Variants in MFSD11 observed in about 807,000 individuals in gnomAD.
MFSD11 encodes the protein major facilitator superfamily domain containing 11.
A neutral mutation model predicts 53.5 loss-of-function variants in MFSD11; 36 were observed. That is an observed-to-expected ratio of 0.67 (90% CI 0.52 to 0.89). The LOEUF is 0.89. MFSD11 is among the 40% of genes least tolerant of loss of function. The pLI is 0.00. For missense variants in MFSD11, 530 were observed against 543.9 expected, an observed-to-expected ratio of 0.97 and a Z score of 0.25; for synonymous variants, 186 against 184.9, an observed-to-expected ratio of 1.01 and a Z score of -0.05.
the MFSD11 span, among the ~76,000 whole-genome samples, chr17:76,799,954 CCTTT>C: frequency 1.6e-4 from 14 of 87,316 alleles, no homozygotes; most frequent in Non-Finnish European, 2.9e-4. Context: ...TTTTCTTTTT[CCTTT>C]TTTTTTTTTT....
chr17:76,792,874 A>C, the MFSD11 span, among the ~76,000 whole-genome samples: 1 of 151,438 alleles, frequency 6.6e-6, no homozygotes, highest in Non-Finnish European at 1.5e-5. Flanking sequence ...TACAAAAGAG[A>C]GAAATTTTAA....
chr17:76,741,901 A>G lies in MFSD11; in HGVS notation c.261-68A>G, dbSNP rs990954489. The G allele has an allele frequency of 9.3e-6, 15 of 1,610,348 alleles. No individual in the cohort carries two copies. In the African/African-American group the frequency reaches 2.0e-4, roughly 22 times the overall value. ...GAAGAGAATGTCAGAACTGATTCCT[A>G]GAAGGCATAATTGGCATTCTATTTC... On this transcript the variant is annotated intron_variant, in intron 3 of 12. Coordinates refer to ENST00000685175, the MANE Select transcript of MFSD11 (RefSeq NM_001242532.5).
Position 76,741,069 on chromosome 17 carries a change from G to A in MFSD11, c.260+5G>A, listed in dbSNP as rs766503727. ...TGCCAGTGGTTTATTTTACAGGTAA[G>A]TAGTGTAATCTTGCACTTATTTAAT... On this transcript the variant is annotated splice_donor_5th_base_variant and intron_variant, in intron 3 of 12. Transcript: ENST00000685175. 4 of 1,519,086 alleles carry A rather than the reference G, an allele frequency of 2.6e-6. No individual in the cohort carries two copies. The highest frequency in any genetic ancestry group is 1.4e-5 in the African/African-American group (1 of 72,986). 94.1% of individuals were successfully genotyped at this position (1,519,086 alleles called of 1,614,324 possible).
At chr17:76,784,168 A>G (rs1432956391), downstream of MFSD11, among the ~76,000 whole-genome samples, 1 of 152,186 alleles carries the variant, frequency 6.6e-6, no homozygotes, top group African/African-American at 2.4e-5. Flanking sequence ...CAATATTTGT[A>G]CACCCATATT....
chr17:76,798,041 G>T, the MFSD11 span, among the ~76,000 whole-genome samples: 21 of 151,710 alleles, frequency 1.4e-4, no homozygotes, highest in Non-Finnish European at 1.5e-5. Flanking sequence ...GCACCACCAC[G>T]CCCGGTTAAT....
At chr17:76,767,197 T>G (rs2080924669) in intron 8 of MFSD11, 189 bp from the exon 9 acceptor site, 1 of 509,400 alleles carries the variant, frequency 2.0e-6, no homozygotes, top group Admixed American at 4.0e-5. Context: ...ATTTAAGCAC[T>G]TGAAATAAAC....
chr17:76,753,652 C>T (rs1306053480), intron 7 of MFSD11, among the ~76,000 whole-genome samples: 1 of 140,074 alleles, frequency 7.1e-6, no homozygotes, highest in Non-Finnish European at 1.5e-5. Flanking sequence ...TGCATCACAG[C>T]ACTCCAGCCT....
chr17:76,776,681 C>A lies in MFSD11; in HGVS notation c.1185+140C>A. On this transcript the variant is annotated intron_variant, in intron 12 of 12. Transcript: ENST00000685175. This position sits in a 1 kb window ranked among gnomAD's most constrained non-coding sequence, Gnocchi z 4.2. ...TTTTTGATAGAGTCTCTCTCTGTCACTCAGGCTGGAGTGCAGTAGCGCAAT... is the reference window on the plus strand; with the variant it reads ...TTTTTGATAGAGTCTCTCTCTGTCAATCAGGCTGGAGTGCAGTAGCGCAAT... 1 of 855,034 alleles carries A rather than the reference C, an allele frequency of 1.2e-6. No homozygotes were observed. The highest frequency in any genetic ancestry group is 1.6e-6 in the Non-Finnish European group (1 of 609,036). 53.0% of individuals were successfully genotyped at this position (855,034 alleles called of 1,614,324 possible).
chr17:76,778,535 G>T lies in MFSD11; in HGVS notation c.*183G>T. On this transcript the variant is annotated 3_prime_UTR_variant, in exon 13 of 13. Transcript: ENST00000685175. ...AGTTTACAGATATGAGTTATTTAAA[G>T]CAAGTAGAATAAGGGAAAGCTGTTC... is the stretch of plus-strand genomic sequence containing the variant. The T allele has an allele frequency of 1.8e-6, 1 of 546,072 alleles. No individual in the cohort carries two copies. Among genetic ancestry groups the T allele is most frequent in the African/African-American group, 1.9e-5 (1 of 53,554 alleles). The allele number at this position is 546,072 out of a possible 1,614,324, so 33.8% of individuals were successfully genotyped here.
chr17:76,736,663 G>A (rs548868861), upstream of MFSD11: 22 of 1,207,412 alleles, frequency 1.8e-5, no homozygotes, highest in South Asian at 4.1e-4. Flanking sequence ...GGGGTGGCCG[G>A]AGGGTCGCGA....
chr17:76,747,339 CT>C (rs879433672), intron 7 of MFSD11, among the ~76,000 whole-genome samples: 236 of 140,960 alleles, frequency 1.7e-3, no homozygotes, highest in East Asian at 1.5e-3. Context: ...CATGGTGAAA[CT>C]TTTTTTTTTT....
chr17:76,760,281 A>G (rs1229803942), intron 8 of MFSD11, among the ~76,000 whole-genome samples: 1 of 151,414 alleles, frequency 6.6e-6, no homozygotes, highest in African/African-American at 2.4e-5. Context: ...CTGTCTCAAA[A>G]AAAAAAAAAA....
intron 5 of MFSD11, 112 bp from the exon 6 acceptor site, chr17:76,743,286 G>T (rs2078260731): frequency 1.5e-6 from 1 of 689,518 alleles, no homozygotes; most frequent in African/African-American, 1.9e-5. Context: ...CTTTAAAAAT[G>T]ATGTCCTTCT....
At chr17:76,755,812 A>ATATATATTTT (rs1555669398) in intron 8 of MFSD11, among the ~76,000 whole-genome samples, 3 of 19,518 alleles carry the variant, frequency 1.5e-4, no homozygotes, top group African/African-American at 4.9e-4. Context: ...ATATATATAT[A>ATATATATTTT]TTTTTTTTTT....
intron 8 of MFSD11, among the ~76,000 whole-genome samples, chr17:76,759,811 C>T (rs1598645439): frequency 9.4e-6 from 1 of 106,168 alleles, no homozygotes; most frequent in South Asian, 3.2e-4. Context: ...GATGGAGTTT[C>T]ACCATGTTGG....
the MFSD11 span, among the ~76,000 whole-genome samples, chr17:76,802,442 T>C: frequency 3.9e-5 from 6 of 152,218 alleles, no homozygotes; most frequent in African/African-American, 9.6e-5. Flanking sequence ...AAACCGACCA[T>C]ACAACTCAGC....
At chr17:76,791,302 T>A in the MFSD11 span, among the ~76,000 whole-genome samples, 4 of 149,392 alleles carry the variant, frequency 2.7e-5, no homozygotes, top group African/African-American at 1.0e-4. Context: ...ATTTTTGACT[T>A]CGTTTCAATT....
chr17:76,763,966 A>G (rs8069429), intron 8 of MFSD11, among the ~76,000 whole-genome samples: 13,683 of 151,720 alleles, frequency 0.09, 2,026 homozygotes, highest in African/African-American at 0.31. Flanking sequence ...GGGTTCAGGC[A>G]ATTCTGGTGC....
In MFSD11 at chr17:76,776,425, T is replaced by A. The variant is rs770905126; in HGVS notation, c.1069T>A (p.Cys357Ser). Reference sequence around the variant, plus strand: ...CTTCAGCAAAGAAGTTGCCATTCTCTGCAGTTTTCTGTTGGGCCTTGGAGA... The same window carrying A: ...CTTCAGCAAAGAAGTTGCCATTCTCAGCAGTTTTCTGTTGGGCCTTGGAGA... ...IKSSKEVAILCSFLLGLGDSC... is the reference protein window; with the variant it reads ...IKSSKEVAILSSFLLGLGDSC... The change falls in exon 12 of 13, where the codon TGC becomes AGC. Residue 357 changes from cysteine to serine, a missense_variant. By Grantham distance (112) the Cys-to-Ser change is moderately radical. Coordinates refer to ENST00000685175, the MANE Select transcript of MFSD11 (RefSeq NM_001242532.5). The surrounding 1 kb of genome is among the most constrained non-coding windows in gnomAD (Gnocchi z 4.2). 6 of 1,613,990 alleles carry A rather than the reference T, an allele frequency of 3.7e-6. No homozygotes were observed. In the East Asian group the frequency reaches 1.3e-4, roughly 36 times the overall value.
Sources: allele counts gnomAD v4.1 joint callset (sites outside exome capture counted in the v4.1 genomes callset), GRCh38; gene constraint gnomAD v4.1.1; non-coding constraint Gnocchi (gnomAD v3.1); transcripts MANE v1.5; gene names NCBI Gene and HGNC (gene_info 2026-07-23, HGNC 2026-07-21).